Variants in ACACA observed in about 807,000 individuals in gnomAD.
ACACA encodes the protein acetyl-CoA carboxylase alpha.
In ACACA, 103 loss-of-function variants were observed where a neutral mutation model predicts 296.1. The observed-to-expected ratio is 0.35, with a 90% CI of 0.30 to 0.41. The LOEUF (loss-of-function observed/expected upper bound fraction) is 0.41, where lower values mean the gene tolerates loss of function less well. Ranked by LOEUF, ACACA falls within the 10% of genes least tolerant of loss-of-function variation. The pLI is 1.00. For missense variants in ACACA, 1,554 were observed against 2,989.7 expected (o/e 0.52, Z 11.20); for synonymous variants, 953 against 1,038.6 (o/e 0.92, Z 1.58).
At chr17:37,320,304 G>T (rs571335423) in intron 3 of ACACA, among the ~76,000 whole-genome samples, 15 of 152,122 alleles carry the variant, frequency 9.9e-5, no homozygotes, top group African/African-American at 3.6e-4. Context: ...CTGAGGTCAG[G>T]AGTTCGAGAC....
chr17:37,346,204 C>T (rs1296808263), intron 1 of ACACA, among the ~76,000 whole-genome samples: 1 of 151,832 alleles, frequency 6.6e-6, no homozygotes, highest in Admixed American at 6.6e-5. Context: ...GTAATCTCAG[C>T]TACTTGGGAG....
chr17:37,365,340 C>T, intron 1 of ACACA: 1 of 582,446 alleles, frequency 1.7e-6, no homozygotes, highest in Non-Finnish European at 2.2e-6. Context: ...AAGGCAGAGA[C>T]CATCTCTTAT....
At chr17:37,395,763 G>A (rs2051059741) in intron 1 of ACACA, among the ~76,000 whole-genome samples, 1 of 151,942 alleles carries the variant, frequency 6.6e-6, no homozygotes. Context: ...GGCTGGTCTC[G>A]AACTCCCGAC....
At chr17:37,313,517 CT>C (rs1164050234) in intron 3 of ACACA, among the ~76,000 whole-genome samples, 1 of 152,110 alleles carries the variant, frequency 6.6e-6, no homozygotes, top group Non-Finnish European at 1.5e-5. Flanking sequence ...GGCAAAAGTT[CT>C]GAATACACAT....
chr17:37,342,340 G>A (rs539314899), intron 1 of ACACA, among the ~76,000 whole-genome samples: 3 of 139,868 alleles, frequency 2.1e-5, no homozygotes, highest in East Asian at 4.3e-4. Context: ...CCCAGGAAGC[G>A]GACGTTGCAG....
intron 42 of ACACA, among the ~76,000 whole-genome samples, chr17:37,157,525 TTCTA>T (rs1555567663): frequency 2.0e-5 from 3 of 147,808 alleles, no homozygotes; most frequent in Admixed American, 7.0e-5. Flanking sequence ...AACTAGATCA[TTCTA>T]TCTTTTTTTT....
chr17:37,298,039 C>A (rs1168270670), intron 3 of ACACA, among the ~76,000 whole-genome samples: 2 of 152,102 alleles, frequency 1.3e-5, no homozygotes, highest in African/African-American at 4.8e-5. Flanking sequence ...CTCCCTGCAA[C>A]CTCAAACTGC....
At chr17:37,243,646 G>A (rs1295728090) in intron 21 of ACACA, 87 bp from the exon 22 acceptor site, 1 of 1,446,592 alleles carries the variant, frequency 6.9e-7, no homozygotes. Flanking sequence ...TGTATACGTG[G>A]GAAATTGGTT....
chr17:37,224,878 G>T, intron 27 of ACACA, 114 bp downstream of exon 27: 1 of 471,594 alleles, frequency 2.1e-6, no homozygotes, highest in East Asian at 3.9e-5. Flanking sequence ...CCATTATATG[G>T]AAAATCAAAA....
chr17:37,240,284 G>A (rs1032251462), intron 24 of ACACA, among the ~76,000 whole-genome samples, 192 bp downstream of exon 24: 1 of 152,176 alleles, frequency 6.6e-6, no homozygotes, highest in Non-Finnish European at 1.5e-5. Flanking sequence ...GCTGTGTTTC[G>A]TTGTTCTTTC....
chr17:37,298,932 G>C (rs1195734037), intron 3 of ACACA, among the ~76,000 whole-genome samples: 1 of 152,178 alleles, frequency 6.6e-6, no homozygotes, highest in Non-Finnish European at 1.5e-5. Context: ...CAGTTGAAGA[G>C]ACTTCACTGG....
chr17:37,116,543 G>A (rs1466376364), intron 50 of ACACA, among the ~76,000 whole-genome samples: 1 of 152,176 alleles, frequency 6.6e-6, no homozygotes, highest in African/African-American at 2.4e-5. Flanking sequence ...AGTAGGAAAG[G>A]AGCATCAGGG....
Position 37,200,268 on chromosome 17 carries a change from G to A in ACACA, c.4114-85C>T, listed in dbSNP as rs1654607637. 32 of 1,390,932 alleles carry A rather than the reference G, an allele frequency of 2.3e-5. 1 individual carries two copies. The South Asian group carries it at 3.7e-4, about 16-fold the overall frequency. 86.2% of individuals were successfully genotyped at this position (1,390,932 alleles called of 1,614,324 possible). The stretch of plus-strand genomic sequence containing the variant: ...ATCAAAAAGAAATTGAGTAAAAGAT[G>A]ATGAGTTAAACTAATGTTTTTTAAA... On this transcript the variant is annotated intron_variant, in intron 34 of 55. Coordinates refer to ENST00000616317, the MANE Select transcript of ACACA (RefSeq NM_198834.3).
intron 24 of ACACA, among the ~76,000 whole-genome samples, chr17:37,235,357 A>G (rs1409530303): frequency 1.3e-5 from 2 of 152,020 alleles, no homozygotes; most frequent in Non-Finnish European, 2.9e-5. Flanking sequence ...TCCTGGGAAA[A>G]TCATTTTACC....
At chr17:37,209,102 C>A (rs1227709027) in intron 30 of ACACA, among the ~76,000 whole-genome samples, 1 of 152,176 alleles carries the variant, frequency 6.6e-6, no homozygotes, top group Non-Finnish European at 1.5e-5. Flanking sequence ...AAAGGTACAT[C>A]ATCTTTTGAC....
Position 37,086,534 on chromosome 17 carries a change from C to T in ACACA, c.*782G>A, listed in dbSNP as rs1165022733. 4 of 152,468 alleles carry T rather than the reference C, an allele frequency of 2.6e-5. No individual in the cohort carries two copies. Among genetic ancestry groups the T allele is most frequent in the Admixed American group, 1.3e-4 (2 of 15,310 alleles). The allele number at this position is 152,468 out of a possible 1,614,324, so 9.4% of individuals were successfully genotyped here. Reference sequence around the variant, plus strand: ...GGCCCCTCAAGCACTGGCCTTGCAGCTCCCAGCCACATGCGACAGCTAGTC... The same window carrying T: ...GGCCCCTCAAGCACTGGCCTTGCAGTTCCCAGCCACATGCGACAGCTAGTC... On this transcript the variant is annotated 3_prime_UTR_variant, in exon 56 of 56. Transcript: ENST00000616317.
intron 33 of ACACA, 76 bp from the exon 34 acceptor site, chr17:37,200,559 G>C: frequency 7.3e-7 from 1 of 1,373,956 alleles, no homozygotes; most frequent in Non-Finnish European, 1.0e-6. Context: ...TTCGGCCCTT[G>C]TAAGGCTTTG....
chr17:37,341,733 C>CGAA (rs1469199245), intron 1 of ACACA, among the ~76,000 whole-genome samples: 4 of 151,712 alleles, frequency 2.6e-5, no homozygotes, highest in African/African-American at 9.7e-5. Flanking sequence ...AATCCTTACT[C>CGAA]CCTCACCCCC....
At chr17:37,229,305 T>C (rs2079719313) in intron 25 of ACACA, among the ~76,000 whole-genome samples, 1 of 152,124 alleles carries the variant, frequency 6.6e-6, no homozygotes, top group African/African-American at 2.4e-5. Flanking sequence ...TGTTTTGTTC[T>C]GTTTTGTTTT....
Sources: allele counts gnomAD v4.1 joint callset (sites outside exome capture counted in the v4.1 genomes callset), GRCh38; gene constraint gnomAD v4.1.1; transcripts MANE v1.5; gene names NCBI Gene and HGNC (gene_info 2026-07-23, HGNC 2026-07-21).